MYH9: variants seen among roughly 807,000 people sequenced by gnomAD.
The protein encoded by MYH9 is myosin-9.
In MYH9, 29 loss-of-function variants were observed where a neutral mutation model predicts 241.9. The observed-to-expected ratio is 0.12, with a 90% CI of 0.09 to 0.16. MYH9 has a LOEUF of 0.16. Ranked by LOEUF, MYH9 falls within the 10% of genes least tolerant of loss-of-function variation. The pLI is 1.00. For missense variants in MYH9, 1,803 were observed against 2,595.5 expected, an observed-to-expected ratio of 0.69 and a Z score of 6.63; for synonymous variants, 1,047 against 1,062.6, an observed-to-expected ratio of 0.99 and a Z score of 0.29.
chr22:36,385,958 G>T (rs1459829687), intron 1 of MYH9, among the ~76,000 whole-genome samples: 1 of 152,144 alleles, frequency 6.6e-6, no homozygotes, highest in Non-Finnish European at 1.5e-5. Context: ...AAGAGAAGTG[G>T]CCCCTCTCAG....
At chr22:36,298,630 G>A (rs745983219) in intron 24 of MYH9, among the ~76,000 whole-genome samples, 12 of 152,144 alleles carry the variant, frequency 7.9e-5, no homozygotes, top group Admixed American at 4.6e-4. Context: ...CAAAACCCAC[G>A]GCACACAACA....
intron 2 of MYH9, among the ~76,000 whole-genome samples, chr22:36,343,340 A>C (rs1360409359): frequency 6.6e-6 from 1 of 151,846 alleles, no homozygotes; most frequent in Non-Finnish European, 1.5e-5. Context: ...GTTCGAGACC[A>C]GCCTGGGCAA....
At chr22:36,314,027 C>G in intron 13 of MYH9, 118 bp downstream of exon 13, 7 of 1,352,870 alleles carry the variant, frequency 5.2e-6, no homozygotes, top group Non-Finnish European at 7.3e-6. Flanking sequence ...CGGGTGGCAC[C>G]AAAAGGAAGG....
At chr22:36,340,313 T>C (rs1235285497) in intron 3 of MYH9, among the ~76,000 whole-genome samples, 2 of 151,950 alleles carry the variant, frequency 1.3e-5, no homozygotes, top group South Asian at 4.1e-4. Context: ...TTGATCACAT[T>C]TACATCCCAG....
intron 31 of MYH9, among the ~76,000 whole-genome samples, chr22:36,291,577 G>A (rs2016703778): frequency 6.6e-6 from 1 of 150,534 alleles, no homozygotes. Context: ...GAAAACCGGA[G>A]ACCTTTGTTC....
rs2016504811 is a variant in MYH9, at chr22:36,282,380, CAA to C, written c.*286_*287del. On this transcript the variant is annotated 3_prime_UTR_variant, in exon 41 of 41. Coordinates refer to ENST00000216181, the MANE Select transcript of MYH9 (RefSeq NM_002473.6). ...CGCCTCAACATCTTGTGCTTTTTGG[CAA>C]GAGAGGGCTGAGGAGCCTGCTGGTC... is the stretch of plus-strand genomic sequence containing the variant. 2 of 570,516 alleles carry C rather than the reference CAA, an allele frequency of 3.5e-6. No individual in the cohort carries two copies. The highest frequency in any genetic ancestry group is 6.1e-5 in the Admixed American group (2 of 32,866). 35.3% of individuals were successfully genotyped at this position (570,516 alleles called of 1,614,324 possible). A position where few individuals can be genotyped will look rare whatever the true frequency, so the allele number is the denominator to read the frequency against.
At chr22:36,312,357 A>AC (rs2017078428) in intron 13 of MYH9, 135 bp from the exon 14 acceptor site, 2 of 859,448 alleles carry the variant, frequency 2.3e-6, no homozygotes, top group Non-Finnish European at 3.6e-6. Context: ...AGGAGAAGCA[A>AC]AGCACTGTTG....
At chr22:36,380,218 C>T (rs553272349) in intron 1 of MYH9, among the ~76,000 whole-genome samples, 57 of 152,296 alleles carry the variant, frequency 3.7e-4, no homozygotes, top group African/African-American at 1.3e-3. Flanking sequence ...ACAACAGCAG[C>T]GCCGGCAGCT....
In MYH9 at chr22:36,288,211, C is replaced by CCT. The variant is rs1569534783; in HGVS notation, c.4932+40_4932+41insAG. The CCT allele has an allele frequency of 1.2e-6, 2 of 1,610,600 alleles. No individual in the cohort carries two copies. Among genetic ancestry groups the CCT allele is most frequent in the East Asian group, 4.5e-5 (2 of 44,878 alleles). On this transcript the variant is annotated intron_variant, in intron 34 of 40. Transcript: ENST00000216181. This position sits in a 1 kb window ranked among gnomAD's most constrained non-coding sequence, Gnocchi z 4.8. ...CACCTTCATATGTAGTTGGCTCAGT[C>CCT]GGGTGCCGCCCACCCTCACCTGGGC...
At chr22:36,376,804 C>T (rs1353361631) in intron 1 of MYH9, among the ~76,000 whole-genome samples, 1 of 152,170 alleles carries the variant, frequency 6.6e-6, no homozygotes, top group East Asian at 1.9e-4. Context: ...TGGCTCATGC[C>T]TGTAATCCCA....
At chr22:36,358,261 C>T (rs556782968) in intron 1 of MYH9, among the ~76,000 whole-genome samples, 57 of 152,304 alleles carry the variant, frequency 3.7e-4, no homozygotes, top group African/African-American at 1.2e-3. Flanking sequence ...GATGGGGTTT[C>T]GCCATATTGG....
chr22:36,288,611 G>A lies in MYH9; in HGVS notation c.4770+116C>T. 4 of 1,362,196 alleles carry A rather than the reference G, an allele frequency of 2.9e-6. No homozygotes were observed. Among genetic ancestry groups the A allele is most frequent in the Non-Finnish European group, 4.1e-6 (4 of 966,454 alleles). 84.4% of individuals were successfully genotyped at this position (1,362,196 alleles called of 1,614,324 possible). A position where few individuals can be genotyped will look rare whatever the true frequency, so the allele number is the denominator to read the frequency against. On this transcript the variant is annotated intron_variant, in intron 33 of 40. Transcript: ENST00000216181. This position sits in a 1 kb window ranked among gnomAD's most constrained non-coding sequence, Gnocchi z 4.8. ...AGGAGGCTAGAAAGAAGGAATATGG[G>A]AGGGGAGGCGTGGTCAAGGGGCCCT...
chr22:36,344,442 GCAGCACC>G (rs2017642525), intron 2 of MYH9, among the ~76,000 whole-genome samples: 1 of 22,212 alleles, frequency 4.5e-5, no homozygotes, highest in Non-Finnish European at 1.3e-4. Flanking sequence ...CATGAATGAG[GCAGCACC>G]TCCCCATCCA....
chr22:36,300,336 G>GA lies in MYH9; in HGVS notation c.2839-73dup. 6.3e-7 allele frequency: 1 copy of GA among 1,596,296 alleles called. No homozygotes were observed. The highest frequency in any genetic ancestry group is 8.5e-7 in the Non-Finnish European group (1 of 1,173,510). On this transcript the variant is annotated intron_variant, in intron 22 of 40. Transcript: ENST00000216181. The surrounding 1 kb of genome is among the most constrained non-coding windows in gnomAD (Gnocchi z 5.0). ...GGCCAAGGTGAAGGCAGCAAGGTCC[G>GA]AAGGCCAGATCCAAACGCCAAGGAG...
At chr22:36,321,073 C>T (rs1475591968) in intron 7 of MYH9, among the ~76,000 whole-genome samples, 177 bp from the exon 8 acceptor site, 2 of 152,184 alleles carry the variant, frequency 1.3e-5, no homozygotes. Context: ...CTGCCTCAGC[C>T]TCCCAAGTAG....
intron 1 of MYH9, among the ~76,000 whole-genome samples, chr22:36,355,024 G>C (rs1434855505): frequency 7.2e-6 from 1 of 138,272 alleles, no homozygotes; most frequent in Admixed American, 7.4e-5. Flanking sequence ...CCGTGGCTCA[G>C]AAAGTCCCGA....
intron 10 of MYH9, among the ~76,000 whole-genome samples, chr22:36,318,908 C>T (rs933818117): frequency 6.6e-5 from 10 of 152,162 alleles, no homozygotes; most frequent in East Asian, 1.9e-4. Flanking sequence ...GGATTACAGG[C>T]GCACGCCACC....
At chr22:36,322,070 C>G (rs73167628) in intron 6 of MYH9, 8 of 591,894 alleles carry the variant, frequency 1.4e-5, no homozygotes, top group Non-Finnish European at 2.4e-5. Flanking sequence ...CAGGTTCCTC[C>G]GCAGAGGGGG....
At chr22:36,309,505 A>C (rs2017026647) in intron 14 of MYH9, 109 bp from the exon 15 acceptor site, 1 of 794,810 alleles carries the variant, frequency 1.3e-6, no homozygotes, top group South Asian at 1.4e-5. Flanking sequence ...AGAAAACGTG[A>C]AGACCCTTTG....
Sources: gnomAD v4.1 joint callset for allele counts (sites outside exome capture counted in the v4.1 genomes callset) on GRCh38, gnomAD v4.1.1 for gene constraint, Gnocchi (gnomAD v3.1) non-coding constraint, MANE v1.5 for transcripts, NCBI Gene and HGNC (gene_info 2026-07-23, HGNC 2026-07-21) for gene names.